The following SRD5A2 variants were observed in gnomAD, a reference collection of about 807,000 sequenced individuals.
The protein encoded by SRD5A2 is steroid 5 alpha-reductase 2, also known as 3-oxo-5-alpha-steroid 4-dehydrogenase 2.
A neutral mutation model predicts 27.4 loss-of-function variants in SRD5A2; 30 were observed. That is an observed-to-expected ratio of 1.10 (90% CI 0.82 to 1.49). The LOEUF (loss-of-function observed/expected upper bound fraction) is 1.49. SRD5A2 is among the 40% of genes most tolerant of loss of function. The pLI is 0.00. For synonymous variants in SRD5A2, 141 were observed against 133.6 expected, an observed-to-expected ratio of 1.06 and a Z score of -0.38; for missense variants, 348 against 323.4, an observed-to-expected ratio of 1.08 and a Z score of -0.58.
the SRD5A2 span, among the ~76,000 whole-genome samples, chr2:31,625,056 C>T: frequency 5.9e-5 from 9 of 152,252 alleles, no homozygotes; most frequent in African/African-American, 2.2e-4. Context: ...GCCATTCTAA[C>T]TGGTGTGAGA....
the SRD5A2 span, among the ~76,000 whole-genome samples, chr2:31,597,995 T>C: frequency 2.6e-5 from 4 of 152,122 alleles, no homozygotes; most frequent in Non-Finnish European, 5.9e-5. Context: ...AAAAAGATAC[T>C]TGCACACACG....
intron 1 of SRD5A2, among the ~76,000 whole-genome samples, chr2:31,544,614 A>G (rs536189142): frequency 4.6e-5 from 7 of 152,018 alleles, no homozygotes; most frequent in Non-Finnish European, 7.4e-5. Context: ...GGAAGATCCT[A>G]TATCAGCCAA....
At chr2:31,605,093 A>G in the SRD5A2 span, among the ~76,000 whole-genome samples, 1 of 151,936 alleles carries the variant, frequency 6.6e-6, no homozygotes, top group Non-Finnish European at 1.5e-5. Flanking sequence ...AAAACTGAAT[A>G]TCAATAGGCA....
At chr2:31,533,807 A>C in intron 1 of SRD5A2, 41 bp from the exon 2 acceptor site, 5 of 1,573,754 alleles carry the variant, frequency 3.2e-6, no homozygotes, top group Non-Finnish European at 4.3e-6. Flanking sequence ...TCACTGTTAA[A>C]AAAGAACATG....
the SRD5A2 span, among the ~76,000 whole-genome samples, chr2:31,609,905 T>A: frequency 8.9e-4 from 136 of 152,114 alleles, 1 homozygote; most frequent in African/African-American, 3.2e-3. Context: ...TAGCCCAATT[T>A]TAAAGATGGC....
the SRD5A2 span, among the ~76,000 whole-genome samples, chr2:31,624,255 C>A: frequency 1.3e-5 from 2 of 151,920 alleles, no homozygotes; most frequent in Admixed American, 1.3e-4. Flanking sequence ...CTTTTAGTTA[C>A]TTTAAAATGT....
intron 1 of SRD5A2, among the ~76,000 whole-genome samples, chr2:31,554,552 A>G (rs547791616): frequency 1.6e-4 from 24 of 152,298 alleles, no homozygotes; most frequent in African/African-American, 5.1e-4. Flanking sequence ...CCTAAAACAA[A>G]TGTGGAAAAA....
intron 1 of SRD5A2, among the ~76,000 whole-genome samples, chr2:31,542,697 AAGAATC>A (rs1237318928): frequency 6.6e-6 from 1 of 152,182 alleles, no homozygotes; most frequent in Non-Finnish European, 1.5e-5. Flanking sequence ...AGGCAAAAGA[AAGAATC>A]AGAGAACTCA....
At chr2:31,577,650 G>A (rs1666986157) in intron 1 of SRD5A2, among the ~76,000 whole-genome samples, 1 of 152,136 alleles carries the variant, frequency 6.6e-6, no homozygotes, top group Non-Finnish European at 1.5e-5. Flanking sequence ...CCAAACCTGA[G>A]CCATCCTTTC....
chr2:31,564,095 ATAAT>A (rs1240342018), intron 1 of SRD5A2, among the ~76,000 whole-genome samples: 1 of 152,120 alleles, frequency 6.6e-6, no homozygotes, highest in Non-Finnish European at 1.5e-5. Context: ...TATAGGAAAA[ATAAT>A]TAATCAGTCA....
the SRD5A2 span, among the ~76,000 whole-genome samples, chr2:31,647,096 G>A: frequency 1.3e-5 from 2 of 151,318 alleles, no homozygotes; most frequent in Non-Finnish European, 2.9e-5. Context: ...AGTGAGCCGA[G>A]ATCACACCAC....
At chr2:31,587,145 C>T in the SRD5A2 span, among the ~76,000 whole-genome samples, 1 of 152,254 alleles carries the variant, frequency 6.6e-6, no homozygotes, top group East Asian at 1.9e-4. Context: ...TGAAAAAAAG[C>T]TCATCATCAC....
intron 1 of SRD5A2, among the ~76,000 whole-genome samples, chr2:31,537,702 T>C (rs180942979): frequency 3.9e-5 from 6 of 152,302 alleles, no homozygotes; most frequent in African/African-American, 1.4e-4. Flanking sequence ...TTAAATATCA[T>C]TCATATAATC....
the SRD5A2 span, among the ~76,000 whole-genome samples, chr2:31,615,772 G>C: frequency 1.2e-4 from 18 of 152,296 alleles, no homozygotes; most frequent in East Asian, 2.5e-3. Flanking sequence ...GCATGTCAAA[G>C]GTCTTCATGG....
At chr2:31,548,254 G>T (rs551585315) in intron 1 of SRD5A2, among the ~76,000 whole-genome samples, 21 of 152,218 alleles carry the variant, frequency 1.4e-4, no homozygotes, top group African/African-American at 4.6e-4. Context: ...TGAACTTCAT[G>T]GAGAATCTTT....
chr2:31,553,480 A>G (rs1163618226), intron 1 of SRD5A2, among the ~76,000 whole-genome samples: 1 of 152,220 alleles, frequency 6.6e-6, no homozygotes, highest in Admixed American at 6.5e-5. Flanking sequence ...GACACATTAC[A>G]ATCAAATTGC....
At chr2:31,545,527 T>C (rs973314758) in intron 1 of SRD5A2, among the ~76,000 whole-genome samples, 2 of 152,094 alleles carry the variant, frequency 1.3e-5, no homozygotes, top group African/African-American at 4.8e-5. Flanking sequence ...AATTCACTCT[T>C]TCATGATAAA....
chr2:31,558,256 T>C (rs1666541431), intron 1 of SRD5A2, among the ~76,000 whole-genome samples: 1 of 152,198 alleles, frequency 6.6e-6, no homozygotes, highest in Non-Finnish European at 1.5e-5. Flanking sequence ...AGGAGACCTA[T>C]TTGGTTATCC....
At chr2:31,644,482 C>T in the SRD5A2 span, among the ~76,000 whole-genome samples, 5 of 152,174 alleles carry the variant, frequency 3.3e-5, no homozygotes, top group Non-Finnish European at 7.3e-5. Flanking sequence ...TAGTTAAATT[C>T]TCATAAGGTG....
Sources: allele counts gnomAD v4.1 joint callset (sites outside exome capture counted in the v4.1 genomes callset), GRCh38; gene constraint gnomAD v4.1.1; transcripts MANE v1.5; gene names NCBI Gene and HGNC (gene_info 2026-07-23, HGNC 2026-07-21).